RAD52: variants seen among roughly 807,000 people sequenced by gnomAD.
RAD52 encodes DNA repair protein RAD52 homolog.
Under a neutral mutation model 55.5 loss-of-function variants are expected in RAD52, and 47 were observed. The ratio of observed to expected loss-of-function variants is 0.85; its 90% CI spans 0.67 to 1.08. The LOEUF (loss-of-function observed/expected upper bound fraction) is 1.08. RAD52 is among the 50% of genes least tolerant of loss of function. The pLI is 0.00. For synonymous variants in RAD52, 184 were observed against 198.9 expected (o/e 0.92, Z 0.63); for missense variants, 468 against 522.8 (o/e 0.90, Z 1.02).
intron 1 of RAD52, among the ~76,000 whole-genome samples, chr12:970,699 C>T (rs1003101148): frequency 6.6e-6 from 1 of 152,042 alleles, no homozygotes; most frequent in Non-Finnish European, 1.5e-5. Context: ...GAGGTGGTTA[C>T]AAATGGTTGT....
chr12:914,627 AC>A (rs1956260321), intron 9 of RAD52, 95 bp from the exon 10 acceptor site: 4 of 1,459,900 alleles, frequency 2.7e-6, no homozygotes, highest in Non-Finnish European at 3.7e-6. Context: ...TAGAGGGAAC[AC>A]TCTCCGAAGC....
chr12:964,829 G>T (rs1297495452), intron 1 of RAD52, among the ~76,000 whole-genome samples: 1 of 151,900 alleles, frequency 6.6e-6, no homozygotes. Context: ...CTCCTGCCTG[G>T]GACTCCCAAC....
chr12:989,830 A>C (rs535323103), exon 1 of RAD52: 1 of 152,264 alleles, frequency 6.6e-6, no homozygotes, highest in Non-Finnish European at 1.5e-5. Flanking sequence ...GCTAGGGAGT[A>C]ACAAGATGGG....
chr12:973,602 C>T (rs1320005518), intron 1 of RAD52, among the ~76,000 whole-genome samples: 9 of 150,974 alleles, frequency 6.0e-5, no homozygotes, highest in East Asian at 2.0e-4. Flanking sequence ...CCCAGCCTCC[C>T]GAGTAGCTGG....
At chr12:930,689 G>A (rs1267118970) in intron 3 of RAD52, among the ~76,000 whole-genome samples, 1 of 150,852 alleles carries the variant, frequency 6.6e-6, no homozygotes, top group Non-Finnish European at 1.5e-5. Flanking sequence ...TGTAAAGGCT[G>A]GGCATGGTGG....
In RAD52 at chr12:914,471, C is replaced by T. The variant is rs763681701; in HGVS notation, c.927G>A (p.Leu309=). ...TCACTCCTGCAAGGAAGTCTTTCTC[C>T]AGGAGTGGTTCTGAGACAGTTACAG... ...STPVTVSEPL[L]EKDFLAGVTQ... is the part of the protein sequence containing the mutation. The change falls in exon 10 of 12, where the codon CTG becomes CTA. Residue 309 remains leucine, a synonymous_variant. Coordinates refer to ENST00000358495, the MANE Select transcript of RAD52 (RefSeq NM_134424.4). 4 of 1,613,676 alleles carry T rather than the reference C, an allele frequency of 2.5e-6. No homozygotes were observed. Among genetic ancestry groups the T allele is most frequent in the Non-Finnish European group, 3.4e-6 (4 of 1,179,822 alleles).
intron 1 of RAD52, among the ~76,000 whole-genome samples, chr12:984,517 A>C (rs1207053633): frequency 2.7e-5 from 4 of 150,200 alleles, no homozygotes; most frequent in Non-Finnish European, 5.9e-5. Flanking sequence ...TATAAATTTG[A>C]CTACTTTAGG....
intron 1 of RAD52, among the ~76,000 whole-genome samples, chr12:970,905 A>G (rs1242459661): frequency 6.6e-6 from 1 of 151,490 alleles, no homozygotes; most frequent in Non-Finnish European, 1.5e-5. Flanking sequence ...ATTTTGAACC[A>G]AATATATACG....
intron 1 of RAD52, among the ~76,000 whole-genome samples, chr12:933,910 C>T (rs988289852): frequency 2.6e-5 from 4 of 151,700 alleles, no homozygotes; most frequent in Admixed American, 2.6e-4. Flanking sequence ...CTGCTTGAGC[C>T]CAGGAGTTTG....
upstream of RAD52, among the ~76,000 whole-genome samples, chr12:950,351 C>CACG (rs1171378061): frequency 1.3e-5 from 2 of 151,924 alleles, no homozygotes; most frequent in Non-Finnish European, 2.9e-5. Flanking sequence ...GCGGGCTGAT[C>CACG]ACGAGGTCAG....
upstream of RAD52, among the ~76,000 whole-genome samples, chr12:952,925 GGGGAAGGGGA>G (rs1414665697): frequency 1.4e-5 from 1 of 72,426 alleles, no homozygotes; most frequent in Non-Finnish European, 2.8e-5. Flanking sequence ...AGGGAAGGGA[GGGGAAGGGGA>G]GGGGAGGGGA....
chr12:945,437 T>C (rs1470896931), intron 1 of RAD52, among the ~76,000 whole-genome samples: 2 of 151,376 alleles, frequency 1.3e-5, no homozygotes, highest in East Asian at 2.0e-4. Context: ...CACTCTGAAG[T>C]ATGTCTTTTT....
intron 7 of RAD52, among the ~76,000 whole-genome samples, chr12:923,785 C>A (rs572495874): frequency 3.9e-5 from 6 of 151,960 alleles, no homozygotes; most frequent in Non-Finnish European, 8.8e-5. Context: ...AGGCCGGGTG[C>A]GGTGGCTCAC....
chr12:914,212 TC>T (rs1812026205), intron 10 of RAD52, 91 bp from the exon 11 acceptor site: 1 of 1,329,328 alleles, frequency 7.5e-7, no homozygotes, highest in African/African-American at 1.5e-5. Context: ...AAATTCCATG[TC>T]TTCAGTACCT....
At chr12:953,873 T>C (rs140370631), upstream of RAD52, among the ~76,000 whole-genome samples, 192 of 152,308 alleles carry the variant, frequency 1.3e-3, no homozygotes, top group Middle Eastern at 0.017. Context: ...ATAAACTGTG[T>C]GAGAGCGTTC....
intron 1 of RAD52, among the ~76,000 whole-genome samples, chr12:972,699 G>A (rs540368442): frequency 1.3e-5 from 2 of 149,502 alleles, no homozygotes; most frequent in African/African-American, 4.9e-5. Context: ...CCAGGAGGCC[G>A]AGGTTGCAGT....
chr12:931,251 ATGTATTCTGGGCCCAGCCTCTGCCT>A lies in RAD52; in HGVS notation c.130_154del (p.Arg44Ter). ...GCCTCCGCCAGCCATGCGGCTACTT[ATGTATTCTGGGCCCAGCCTCTGCCT>A]CAGGGCCTTCTGGATGGCCTGGTAC... is the stretch of plus-strand genomic sequence containing the variant. On this transcript the variant is annotated frameshift_variant, in exon 3 of 12. Coordinates refer to ENST00000358495, the MANE Select transcript of RAD52 (RefSeq NM_134424.4). LOFTEE classifies it high-confidence loss of function. 6.2e-7 allele frequency: 1 copy of A among 1,612,726 alleles called. No individual in the cohort carries two copies.
chr12:954,890 T>TA (rs1958583906), intron 1 of RAD52, among the ~76,000 whole-genome samples: 1 of 152,200 alleles, frequency 6.6e-6, no homozygotes, highest in Non-Finnish European at 1.5e-5. Flanking sequence ...TGCAACTTTT[T>TA]AATTCTGTGA....
upstream of RAD52, among the ~76,000 whole-genome samples, chr12:952,761 G>C (rs1958546483): frequency 6.7e-6 from 1 of 149,002 alleles, no homozygotes; most frequent in South Asian, 2.2e-4. Context: ...GCATGGTGGT[G>C]GGTGCCTGTA....
Sources: gnomAD v4.1 joint callset for allele counts (sites outside exome capture counted in the v4.1 genomes callset) on GRCh38, gnomAD v4.1.1 for gene constraint, MANE v1.5 for transcripts, NCBI Gene and HGNC (gene_info 2026-07-23, HGNC 2026-07-21) for gene names.